The following PRKAG2 variants were observed in gnomAD, a reference collection of about 807,000 sequenced individuals.
PRKAG2 encodes 5'-AMP-activated protein kinase subunit gamma-2.
Under a neutral mutation model 69.6 loss-of-function variants are expected in PRKAG2, and 26 were observed. The ratio of observed to expected loss-of-function variants is 0.37; its 90% CI spans 0.27 to 0.52. The LOEUF is 0.52. Ranked by LOEUF, PRKAG2 falls within the 20% of genes least tolerant of loss-of-function variation. PRKAG2 has a pLI of 0.90. For synonymous variants in PRKAG2, 293 were observed against 285.0 expected (o/e 1.03, Z -0.28); for missense variants, 557 against 740.0 (o/e 0.75, Z 2.87).
rs192509929 is a variant in PRKAG2, at chr7:151,653,388, C to T, written c.685-21250G>A. Among the ~76,000 whole-genome samples, 176 of 152,220 alleles carry T rather than the reference C, an allele frequency of 1.2e-3. 1 individual carries two copies. Among genetic ancestry groups the T allele is most frequent in the African/African-American group, 4.0e-3 (166 of 41,528 alleles). On this transcript the variant is annotated intron_variant, in intron 4 of 15. Coordinates refer to ENST00000287878, the MANE Select transcript of PRKAG2 (RefSeq NM_016203.4). ...GATCGAAAACAGGAAAAAATTTGTC[C>T]TTATGAGTACTGGATAATTAACAAA...
chr7:151,740,869 G>C (rs2073833934), intron 3 of PRKAG2, among the ~76,000 whole-genome samples: 1 of 152,170 alleles, frequency 6.6e-6, no homozygotes, highest in Admixed American at 6.5e-5. Context: ...TCCCAAACAA[G>C]CCGCGAAATC....
At chr7:151,624,009 T>A (rs1223096265) in intron 5 of PRKAG2, among the ~76,000 whole-genome samples, 4 of 152,176 alleles carry the variant, frequency 2.6e-5, no homozygotes, top group African/African-American at 9.7e-5. Flanking sequence ...AGCAACTTCC[T>A]GTCAGTTACA....
intron 15 of PRKAG2, chr7:151,558,047 C>G: frequency 1.0e-6 from 1 of 985,388 alleles, no homozygotes. Flanking sequence ...CGCTAGACCC[C>G]TGAAAGAGAT....
chr7:151,777,248 C>T lies in PRKAG2; in HGVS notation c.466+3904G>A, dbSNP rs1373833496. Among the ~76,000 whole-genome samples, 2 of 152,228 alleles carry T rather than the reference C, an allele frequency of 1.3e-5. No individual in the cohort carries two copies. The highest frequency in any genetic ancestry group is 2.1e-4 in the South Asian group (1 of 4,838). ...CATGTGGACACCAGCAGAGTCATCCCCAGGCCTGTGCCTGCGTTCCCTCAC... is the reference window on the plus strand; with the variant it reads ...CATGTGGACACCAGCAGAGTCATCCTCAGGCCTGTGCCTGCGTTCCCTCAC... On this transcript the variant is annotated intron_variant, in intron 3 of 15. Transcript: ENST00000287878. The surrounding 1 kb of genome is among the most constrained non-coding windows in gnomAD (Gnocchi z 4.3).
rs144950086 is a variant in PRKAG2, at chr7:151,804,032, A to G, written c.115-17491T>C. On this transcript the variant is annotated intron_variant, in intron 1 of 15. Coordinates refer to ENST00000287878, the MANE Select transcript of PRKAG2 (RefSeq NM_016203.4). ...GTCATACCCTTGGCCCAGCCATGCC[A>G]TGTCCCCAGAGGAACCACTTTTAGT... 6.6e-5 allele frequency among the ~76,000 whole-genome samples: 10 copies of G among 152,122 alleles called. No homozygotes were observed. The East Asian group carries it at 1.7e-3, about 26-fold the overall frequency.
chr7:151,709,974 T>C (rs2151600940), intron 3 of PRKAG2, among the ~76,000 whole-genome samples: 1 of 152,306 alleles, frequency 6.6e-6, no homozygotes, highest in East Asian at 1.9e-4. Context: ...CCACTTCGCC[T>C]TCCAGAGGGC....
chr7:151,639,088 G>T (rs907413128), intron 4 of PRKAG2, among the ~76,000 whole-genome samples: 14 of 152,106 alleles, frequency 9.2e-5, no homozygotes, highest in African/African-American at 3.1e-4. Context: ...ACATGTCCAG[G>T]TCTCAGTCCC....
In PRKAG2 at chr7:151,675,537, A is replaced by C. The variant is rs748586783; in HGVS notation, c.567T>G (p.Asn189Lys). 6.2e-7 allele frequency: 1 copy of C among 1,614,114 alleles called. No individual in the cohort carries two copies. Among genetic ancestry groups the C allele is most frequent in the Non-Finnish European group, 8.5e-7 (1 of 1,179,956 alleles). Residue 189 changes from asparagine (N) to lysine (K), a missense_variant, in exon 4 of 16, where the codon AAT becomes AAG. Transcript: ENST00000287878. ...SYKHEPERLE[N>K]RIYASSSPPD... ...GGGGGGAAGACGAGGCATAGATGCGATTCTCTAACCGTTCAGGCTCGTGCT... is the reference window on the plus strand; with the variant it reads ...GGGGGGAAGACGAGGCATAGATGCGCTTCTCTAACCGTTCAGGCTCGTGCT...
At chr7:151,755,436 C>A (rs1271426541) in intron 3 of PRKAG2, among the ~76,000 whole-genome samples, 4 of 152,042 alleles carry the variant, frequency 2.6e-5, no homozygotes, top group Non-Finnish European at 5.9e-5. Context: ...CAGTCAGAGC[C>A]AGCCCAGGGT....
At chr7:151,568,236 T>G (rs1404950998) in intron 11 of PRKAG2, among the ~76,000 whole-genome samples, 2 of 152,250 alleles carry the variant, frequency 1.3e-5, no homozygotes, top group Admixed American at 1.3e-4. Context: ...GGTATTCTCT[T>G]GCCAAAATTT....
chr7:151,772,696 GT>G (rs1362523324), intron 3 of PRKAG2, among the ~76,000 whole-genome samples: 1 of 152,054 alleles, frequency 6.6e-6, no homozygotes, highest in Non-Finnish European at 1.5e-5. Flanking sequence ...TTATTTTGGT[GT>G]GACCAAGAGC....
intron 1 of PRKAG2, among the ~76,000 whole-genome samples, chr7:151,875,614 T>TGTAC (rs1554622416): frequency 7.1e-6 from 1 of 139,908 alleles, no homozygotes; most frequent in East Asian, 2.1e-4. Flanking sequence ...TGTGTGTGTG[T>TGTAC]ACACAAACAT....
chr7:151,708,753 G>T (rs7786673), intron 3 of PRKAG2, among the ~76,000 whole-genome samples: 6,546 of 152,314 alleles, frequency 0.043, 259 homozygotes, highest in East Asian at 0.12. Context: ...AAGTCACTGG[G>T]TAAGTGCAGT....
intron 4 of PRKAG2, among the ~76,000 whole-genome samples, chr7:151,642,874 A>T (rs1294134516): frequency 1.3e-5 from 2 of 152,264 alleles, no homozygotes; most frequent in African/African-American, 2.4e-5. Flanking sequence ...GCTTTTGAAG[A>T]CAGTCATTCA....
intron 15 of PRKAG2, chr7:151,559,170 T>G: frequency 1.0e-6 from 1 of 983,048 alleles, no homozygotes; most frequent in Non-Finnish European, 1.2e-6. Context: ...TGGATGAGCC[T>G]GGCTCCCTCT....
At position 151,788,360 on chromosome 7, in the gene PRKAG2, G is replaced by T. The variant is rs1379057856; in HGVS notation, c.115-1819C>A. Among the ~76,000 whole-genome samples, 1 of 152,236 alleles carries T rather than the reference G, an allele frequency of 6.6e-6. No individual in the cohort carries two copies. Among genetic ancestry groups the T allele is most frequent in the Non-Finnish European group, 1.5e-5 (1 of 68,046 alleles). ...TTGCATTTCTTGGATAATTAGTGAT[G>T]TTGAATATCTTTTCATCTGCTTATC... is the stretch of plus-strand genomic sequence containing the variant. On this transcript the variant is annotated intron_variant, in intron 1 of 15. Coordinates refer to ENST00000287878, the MANE Select transcript of PRKAG2 (RefSeq NM_016203.4). The surrounding 1 kb of genome is among the most constrained non-coding windows in gnomAD (Gnocchi z 4.6).
At chr7:151,714,604 C>A (rs899567727) in intron 3 of PRKAG2, among the ~76,000 whole-genome samples, 1 of 152,170 alleles carries the variant, frequency 6.6e-6, no homozygotes, top group Admixed American at 6.5e-5. Flanking sequence ...AAGCAAGTTT[C>A]CTTTCATTAT....
chr7:151,803,711 G>GTT (rs566033763), intron 1 of PRKAG2, among the ~76,000 whole-genome samples: 98 of 141,932 alleles, frequency 6.9e-4, no homozygotes, highest in African/African-American at 2.4e-3. Flanking sequence ...TATCCAGCTT[G>GTT]TTTTTTTTTT....
Position 151,834,568 on chromosome 7 carries a change from C to T in PRKAG2, c.114+41939G>A, listed in dbSNP as rs75059441. On this transcript the variant is annotated intron_variant, in intron 1 of 15. Transcript: ENST00000287878. ...AGCGCACCCTCAGGTGAGAGTCTTCCGGGCTGAACATCCCATCTCCACATA... is the reference window on the plus strand; with the variant it reads ...AGCGCACCCTCAGGTGAGAGTCTTCTGGGCTGAACATCCCATCTCCACATA... Among the ~76,000 whole-genome samples, 1,344 of 152,358 alleles carry T rather than the reference C, an allele frequency of 8.8e-3. 27 individuals carry two copies. The highest frequency in any genetic ancestry group is 0.03 in the African/African-American group (1,268 of 41,582).
Sources: gnomAD v4.1 joint callset for allele counts (sites outside exome capture counted in the v4.1 genomes callset) on GRCh38, gnomAD v4.1.1 for gene constraint, Gnocchi (gnomAD v3.1) non-coding constraint, MANE v1.5 for transcripts, NCBI Gene and HGNC (gene_info 2026-07-23, HGNC 2026-07-21) for gene names.